The following SNX13 variants were observed in gnomAD, a reference collection of about 807,000 sequenced individuals.
SNX13 encodes sorting nexin-13.
Under a neutral mutation model 133.6 loss-of-function variants are expected in SNX13, and 45 were observed. The observed-to-expected ratio is 0.34, with a 90% CI of 0.27 to 0.43. SNX13 has a LOEUF of 0.43. Among genes scored for constraint, SNX13 ranks in the 20% least tolerant of loss-of-function variants. The pLI is 1.00. For missense variants in SNX13, 1,032 were observed against 1,145.1 expected, an observed-to-expected ratio of 0.90 and a Z score of 1.43; for synonymous variants, 414 against 373.9, an observed-to-expected ratio of 1.11 and a Z score of -1.24.
intron 20 of SNX13, among the ~76,000 whole-genome samples, chr7:17,804,236 A>T (rs772835010): frequency 6.6e-6 from 1 of 152,204 alleles, no homozygotes; most frequent in Non-Finnish European, 1.5e-5. Context: ...CCAAAACAGA[A>T]ATTGATGCAA....
chr7:17,831,388 A>G (rs1006545556), intron 15 of SNX13: 2 of 826,978 alleles, frequency 2.4e-6, no homozygotes, highest in Non-Finnish European at 1.5e-6. Context: ...GAAAATATCT[A>G]CTTTTAAAAT....
rs55946438 is a variant in SNX13, at chr7:17,805,211, T to TTGTGTGTGTGTGTGTGTGTGTG, written c.2065-1653_2065-1632dup. 1.4e-3 allele frequency among the ~76,000 whole-genome samples: 170 copies of TTGTGTGTGTGTGTGTGTGTGTG among 118,484 alleles called. 3 individuals are homozygous for TTGTGTGTGTGTGTGTGTGTGTG. Among genetic ancestry groups the TTGTGTGTGTGTGTGTGTGTGTG allele is most frequent in the African/African-American group, 3.3e-3 (97 of 29,754 alleles). The allele number at this position is 118,484 out of a possible 152,430, so 77.7% of individuals were successfully genotyped here. A position where few individuals can be genotyped will look rare whatever the true frequency, so the allele number is the denominator to read the frequency against. On this transcript the variant is annotated intron_variant, in intron 20 of 25. Coordinates refer to ENST00000428135, the MANE Select transcript of SNX13 (RefSeq NM_015132.5). ...AGTCTCACGTTTGGCTAATGATTCTTTGTGTGTGTGTGTGTGTGTGTGTGT... is the reference window on the plus strand; with the variant it reads ...AGTCTCACGTTTGGCTAATGATTCTTTGTGTGTGTGTGTGTGTGTGTGTGTGTGTGTGTGTGTGTGTGTGTGT...
intron 20 of SNX13, among the ~76,000 whole-genome samples, chr7:17,807,522 G>T (rs1302202370): frequency 6.6e-6 from 1 of 152,220 alleles, no homozygotes; most frequent in Admixed American, 6.5e-5. Context: ...GGTGAAAGGT[G>T]CGGTTGTGGG....
intron 15 of SNX13, chr7:17,830,677 T>G (rs1361916007): frequency 1.0e-6 from 1 of 981,936 alleles, no homozygotes; most frequent in Non-Finnish European, 1.2e-6. Context: ...TGCTGGATTA[T>G]TAACATTAAT....
At chr7:17,798,804 G>T in intron 23 of SNX13, 46 bp from the exon 24 acceptor site, 1 of 1,413,392 alleles carries the variant, frequency 7.1e-7, no homozygotes. Context: ...ATTTTAGAAG[G>T]TGAAAAAAAT....
chr7:17,800,599 A>G (rs1247409845), intron 22 of SNX13, among the ~76,000 whole-genome samples: 1 of 151,842 alleles, frequency 6.6e-6, no homozygotes, highest in Non-Finnish European at 1.5e-5. Flanking sequence ...AGGCACAGAT[A>G]ACATATATAG....
chr7:17,828,833 AT>A (rs1788182322), intron 16 of SNX13, among the ~76,000 whole-genome samples: 1 of 151,566 alleles, frequency 6.6e-6, no homozygotes, highest in Non-Finnish European at 1.5e-5. Flanking sequence ...GTGTTTAAAC[AT>A]TTACACAAGT....
At chr7:17,917,457 T>C (rs1167224104) in intron 1 of SNX13, among the ~76,000 whole-genome samples, 1 of 152,112 alleles carries the variant, frequency 6.6e-6, no homozygotes, top group Non-Finnish European at 1.5e-5. Context: ...ACAACTTCAG[T>C]AAAGTTTCAG....
chr7:17,875,766 A>C lies in SNX13; in HGVS notation c.465T>G (p.Pro155=). 6.2e-7 allele frequency: 1 copy of C among 1,606,584 alleles called. No individual in the cohort carries two copies. Among genetic ancestry groups the C allele is most frequent in the South Asian group, 1.1e-5 (1 of 89,762 alleles). ...ATRSKEIDWQ[P]YFTTRIVDDF... ...CATCTACAATGCGTGTAGTAAAATAAGGTTGCCAGTCTATTTCTTTTGACC... is the reference window on the plus strand; with the variant it reads ...CATCTACAATGCGTGTAGTAAAATACGGTTGCCAGTCTATTTCTTTTGACC... Residue 155 remains proline, a synonymous_variant, in exon 6 of 26, where the codon CCT becomes CCG. Transcript: ENST00000428135.
At position 17,890,502 on chromosome 7, in the gene SNX13, G is replaced by A; in HGVS notation, c.319-18C>T. The A allele has an allele frequency of 5.9e-6, 9 of 1,515,554 alleles. No homozygotes were observed. The highest frequency in any genetic ancestry group is 2.6e-5 in the South Asian group (2 of 76,866). 93.9% of individuals were successfully genotyped at this position (1,515,554 alleles called of 1,614,324 possible). On this transcript the variant is annotated intron_variant, in intron 4 of 25. Transcript: ENST00000428135. ...TGGATAACCTATAACAAAAATATTGGAAAAAAAATTACAACATTTTAGGAT... is the reference window on the plus strand; with the variant it reads ...TGGATAACCTATAACAAAAATATTGAAAAAAAAATTACAACATTTTAGGAT...
intron 1 of SNX13, chr7:17,899,278 T>A (rs1797554191): frequency 6.6e-6 from 1 of 152,184 alleles, no homozygotes; most frequent in Non-Finnish European, 1.5e-5. Context: ...GATTATTAAG[T>A]ATCTTGAGGT....
At chr7:17,898,685 T>C (rs1015676872) in intron 1 of SNX13, 1 of 152,080 alleles carries the variant, frequency 6.6e-6, no homozygotes, top group African/African-American at 2.4e-5. Flanking sequence ...TGGAGAAAAA[T>C]AAAGCAACTG....
At chr7:17,931,122 T>C (rs1224784942) in intron 1 of SNX13, among the ~76,000 whole-genome samples, 1 of 152,150 alleles carries the variant, frequency 6.6e-6, no homozygotes, top group Non-Finnish European at 1.5e-5. Flanking sequence ...AGCAGTTGGG[T>C]ACCATACAAG....
intron 9 of SNX13, among the ~76,000 whole-genome samples, chr7:17,852,122 G>A (rs1416403504): frequency 3.9e-5 from 6 of 152,142 alleles, no homozygotes; most frequent in Admixed American, 2.0e-4. Flanking sequence ...GCTTGTAATC[G>A]CAGCACTTTG....
At chr7:17,857,890 A>C (rs1792120735) in intron 9 of SNX13, among the ~76,000 whole-genome samples, 1 of 152,242 alleles carries the variant, frequency 6.6e-6, no homozygotes, top group African/African-American at 2.4e-5. Context: ...GAAAATCGAT[A>C]AGCATAATAC....
chr7:17,843,331 T>C (rs554343374), intron 12 of SNX13, among the ~76,000 whole-genome samples: 2 of 152,146 alleles, frequency 1.3e-5, no homozygotes, highest in South Asian at 4.1e-4. Flanking sequence ...GGTTAAGATG[T>C]AAATAAGGTC....
intron 24 of SNX13, 113 bp from the exon 25 acceptor site, chr7:17,797,052 T>C: frequency 2.5e-6 from 2 of 806,842 alleles, no homozygotes; most frequent in East Asian, 2.6e-5. Flanking sequence ...GAAAGAAAAG[T>C]TTCTGAATAA....
At chr7:17,823,646 A>G (rs958819238) in intron 17 of SNX13, among the ~76,000 whole-genome samples, 1 of 152,232 alleles carries the variant, frequency 6.6e-6, no homozygotes, top group Non-Finnish European at 1.5e-5. Context: ...CTCTGTAAGT[A>G]GCACTATTAT....
intron 25 of SNX13, 63 bp downstream of exon 25, chr7:17,796,764 G>T (rs148395948): frequency 8.3e-7 from 1 of 1,204,862 alleles, no homozygotes; most frequent in Non-Finnish European, 1.2e-6. Flanking sequence ...CTGGCATGAT[G>T]AATGCTAAAA....
Sources: allele counts gnomAD v4.1 joint callset (sites outside exome capture counted in the v4.1 genomes callset), GRCh38; gene constraint gnomAD v4.1.1; transcripts MANE v1.5; gene names NCBI Gene and HGNC (gene_info 2026-07-23, HGNC 2026-07-21).